The following RFX2 variants were observed in gnomAD, a reference collection of about 807,000 sequenced individuals.
RFX2 encodes the protein regulatory factor X2.
A neutral mutation model predicts 87.8 loss-of-function variants in RFX2; 20 were observed. The ratio of observed to expected loss-of-function variants is 0.23; its 90% CI spans 0.16 to 0.33. The LOEUF (loss-of-function observed/expected upper bound fraction) is 0.33. Ranked by LOEUF, RFX2 falls within the 10% of genes least tolerant of loss-of-function variation. RFX2 has a pLI of 1.00. For missense variants in RFX2, 767 were observed against 1,012.3 expected, an observed-to-expected ratio of 0.76 and a Z score of 3.29; for synonymous variants, 397 against 431.3, an observed-to-expected ratio of 0.92 and a Z score of 0.98.
Position 6,047,510 on chromosome 19 carries a change from G to A in RFX2, c.-8-6C>T, listed in dbSNP as rs770432160. On this transcript the variant is annotated splice_polypyrimidine_tract_variant and splice_region_variant and intron_variant, in intron 1 of 17. Coordinates refer to ENST00000303657, the MANE Select transcript of RFX2 (RefSeq NM_000635.4). The surrounding 1 kb of genome is among the most constrained non-coding windows in gnomAD (Gnocchi z 4.2). The stretch of plus-strand genomic sequence containing the variant: ...GGAATTCTGCATGCTCAGGTCTAAA[G>A]AAAGGCGGAGAGAGATTGGGTGGGC... The A allele has an allele frequency of 5.0e-6, 8 of 1,597,836 alleles. No homozygotes were observed. Among genetic ancestry groups the A allele is most frequent in the Non-Finnish European group, 6.8e-6 (8 of 1,171,790 alleles).
intron 12 of RFX2, among the ~76,000 whole-genome samples, chr19:6,005,935 C>T (rs2144683166): frequency 6.6e-6 from 1 of 152,318 alleles, no homozygotes; most frequent in South Asian, 2.1e-4. Flanking sequence ...GCCAAGGCCT[C>T]CCGCACAGTG....
chr19:6,066,112 G>C (rs762105654), intron 1 of RFX2, among the ~76,000 whole-genome samples: 3 of 152,278 alleles, frequency 2.0e-5, no homozygotes, highest in Non-Finnish European at 4.4e-5. Flanking sequence ...GCTTGCCAGC[G>C]GAGGAGGTGG....
chr19:6,095,061 G>A (rs913500833), intron 1 of RFX2, among the ~76,000 whole-genome samples: 2 of 152,156 alleles, frequency 1.3e-5, no homozygotes, highest in Admixed American at 6.5e-5. Context: ...GCAGTGAGCC[G>A]AGATCGCGCC....
rs1212670712 is a variant in RFX2 at position 6,007,850 on chromosome 19, C to T, written c.1135-48G>A. 1.3e-5 allele frequency: 17 copies of T among 1,284,704 alleles called. No individual in the cohort carries two copies. Among genetic ancestry groups the T allele is most frequent in the East Asian group, 2.5e-5 (1 of 39,680 alleles). 79.6% of individuals were successfully genotyped at this position (1,284,704 alleles called of 1,614,324 possible). On this transcript the variant is annotated intron_variant, in intron 10 of 17. Coordinates refer to ENST00000303657, the MANE Select transcript of RFX2 (RefSeq NM_000635.4). The surrounding 1 kb of genome is among the most constrained non-coding windows in gnomAD (Gnocchi z 8.2). ...GACAGACGGGTGCGTGCGCCCATCA[C>T]GTGCACTCAGCACACGTCAAGTGAG...
At chr19:6,019,585 G>GATATATATATATATATATATAT (rs141504032) in intron 6 of RFX2, among the ~76,000 whole-genome samples, 1 of 129,454 alleles carries the variant, frequency 7.7e-6, no homozygotes, top group African/African-American at 3.1e-5. Context: ...TAGAGACAGG[G>GATATATATATATATATATATAT]ATATATATAT....
chr19:6,085,799 A>C (rs2087848108), intron 1 of RFX2, among the ~76,000 whole-genome samples: 1 of 152,188 alleles, frequency 6.6e-6, no homozygotes, highest in Non-Finnish European at 1.5e-5. Context: ...ATGTTATAAA[A>C]TAAAAGTCCT....
rs76045003 is a variant in RFX2, at chr19:6,007,429, T to C, written c.1247+261A>G. Among the ~76,000 whole-genome samples, 3,399 of 152,210 alleles carry C rather than the reference T, an allele frequency of 0.022. 132 individuals carry two copies. The highest frequency in any genetic ancestry group is 0.078 in the African/African-American group (3,239 of 41,520). On this transcript the variant is annotated intron_variant, in intron 11 of 17. Transcript: ENST00000303657. The surrounding 1 kb of genome is among the most constrained non-coding windows in gnomAD (Gnocchi z 8.2). ...TACTGCGTCTCACTGCAGCTATGGG[T>C]TGGGGTCACTTCTACTTGGGATTGC...
At chr19:5,996,294 G>A (rs913925257) in intron 16 of RFX2, among the ~76,000 whole-genome samples, 3 of 152,396 alleles carry the variant, frequency 2.0e-5, no homozygotes, top group Non-Finnish European at 4.4e-5. Flanking sequence ...CCCCGTTCAC[G>A]ACGGCCACAG....
Position 6,004,153 on chromosome 19 carries a change from G to C in RFX2, c.1500+48C>G, listed in dbSNP as rs375021225. On this transcript the variant is annotated intron_variant, in intron 13 of 17. Coordinates refer to ENST00000303657, the MANE Select transcript of RFX2 (RefSeq NM_000635.4). This position sits in a 1 kb window ranked among gnomAD's most constrained non-coding sequence, Gnocchi z 4.8. ...GGTCCTCATGCTGTCCTGGACTGGA[G>C]CCCCTCCCAGCCATCGTTGGGGAGC... 7.2e-7 allele frequency: 1 copy of C among 1,394,720 alleles called. No individual in the cohort carries two copies. Among genetic ancestry groups the C allele is most frequent in the African/African-American group, 1.4e-5 (1 of 70,606 alleles). 86.4% of individuals were successfully genotyped at this position (1,394,720 alleles called of 1,614,324 possible).
chr19:6,022,274 C>G lies in RFX2; in HGVS notation c.597+3889G>C, dbSNP rs2086824335. On this transcript the variant is annotated intron_variant, in intron 6 of 17. Coordinates refer to ENST00000303657, the MANE Select transcript of RFX2 (RefSeq NM_000635.4). The surrounding 1 kb of genome is among the most constrained non-coding windows in gnomAD (Gnocchi z 6.2). Reference sequence around the variant, plus strand: ...TGAGGAGCTGCCGGCTCTAGCAACCCCACTGTGGCCTGCAGGACAGCACGG... The same window carrying G: ...TGAGGAGCTGCCGGCTCTAGCAACCGCACTGTGGCCTGCAGGACAGCACGG... 6.6e-6 allele frequency among the ~76,000 whole-genome samples: 1 copy of G among 152,216 alleles called. No individual in the cohort carries two copies. The highest frequency in any genetic ancestry group is 2.1e-4 in the South Asian group (1 of 4,834).
At chr19:6,092,700 A>G (rs142136370) in intron 1 of RFX2, among the ~76,000 whole-genome samples, 1 of 145,350 alleles carries the variant, frequency 6.9e-6, no homozygotes, top group Non-Finnish European at 1.5e-5. Flanking sequence ...CTAAGCTGAC[A>G]GGGAACACGT....
chr19:5,995,488 C>A, intron 17 of RFX2, 113 bp downstream of exon 17: 1 of 1,104,406 alleles, frequency 9.1e-7, no homozygotes. Flanking sequence ...CCTCACCCCC[C>A]AAGGGGCTGC....
At position 6,040,849 on chromosome 19, in the gene RFX2, G is replaced by A. The variant is rs1486378920; in HGVS notation, c.261-608C>T. On this transcript the variant is annotated intron_variant, in intron 4 of 17. Transcript: ENST00000303657. The surrounding 1 kb of genome is among the most constrained non-coding windows in gnomAD (Gnocchi z 6.1). ...TCCTGTGTGGAGATGGAGCAGTTCT[G>A]TATCTTGATGGTGGTATTGTTACAC... Among the ~76,000 whole-genome samples the A allele has an allele frequency of 6.6e-6, 1 of 152,170 alleles. No individual in the cohort carries two copies. Among genetic ancestry groups the A allele is most frequent in the Non-Finnish European group, 1.5e-5 (1 of 68,034 alleles).
chr19:6,080,757 T>C (rs1290934190), intron 1 of RFX2, among the ~76,000 whole-genome samples: 1 of 152,074 alleles, frequency 6.6e-6, no homozygotes, highest in African/African-American at 2.4e-5. Context: ...CCAATTGCTG[T>C]CGGGGCTCAG....
rs190989740 is a variant in RFX2 at position 6,026,351 on chromosome 19, G to A, written c.523-114C>T. 8 of 866,636 alleles carry A rather than the reference G, an allele frequency of 9.2e-6. No homozygotes were observed. The highest frequency in any genetic ancestry group is 5.1e-5 in the East Asian group (2 of 38,930). 53.7% of individuals were successfully genotyped at this position (866,636 alleles called of 1,614,324 possible). Reference sequence around the variant, plus strand: ...TTTATTAATATCCAAATAATGATTCGAGCTCCTACAAAATAAAAATGAGGC... The same window carrying A: ...TTTATTAATATCCAAATAATGATTCAAGCTCCTACAAAATAAAAATGAGGC... On this transcript the variant is annotated intron_variant, in intron 5 of 17. Transcript: ENST00000303657. This position sits in a 1 kb window ranked among gnomAD's most constrained non-coding sequence, Gnocchi z 4.5.
In RFX2 at chr19:6,026,924, G is replaced by A. The variant is rs1396796391; in HGVS notation, c.523-687C>T. On this transcript the variant is annotated intron_variant, in intron 5 of 17. Transcript: ENST00000303657. The surrounding 1 kb of genome is among the most constrained non-coding windows in gnomAD (Gnocchi z 4.5). ...GAACTTCCTGGAGGAAGGGGCTTTT[G>A]AGTTGGATCCTGAAGGACCTGATGG... 6.6e-6 allele frequency among the ~76,000 whole-genome samples: 1 copy of A among 152,210 alleles called. No homozygotes were observed. The highest frequency in any genetic ancestry group is 1.5e-5 in the Non-Finnish European group (1 of 68,012).
In RFX2 at chr19:6,044,485, C is replaced by T. The variant is rs1047674256; in HGVS notation, c.91-203G>A. Among the ~76,000 whole-genome samples the T allele has an allele frequency of 3.3e-5, 5 of 152,260 alleles. No individual in the cohort carries two copies. The highest frequency in any genetic ancestry group is 7.3e-5 in the Non-Finnish European group (5 of 68,044). On this transcript the variant is annotated intron_variant, in intron 2 of 17. Coordinates refer to ENST00000303657, the MANE Select transcript of RFX2 (RefSeq NM_000635.4). The surrounding 1 kb of genome is among the most constrained non-coding windows in gnomAD (Gnocchi z 5.3). ...GACACACGGCAGGTACGTGCAGGCA[C>T]ACAAACAATGCACATACATACACAA...
chr19:6,060,985 G>T (rs1049855480), intron 1 of RFX2, among the ~76,000 whole-genome samples: 2 of 152,018 alleles, frequency 1.3e-5, no homozygotes, highest in East Asian at 3.9e-4. Flanking sequence ...CAAGTCCAAG[G>T]GAAACTCTCC....
At position 6,047,790 on chromosome 19, in the gene RFX2, G is replaced by C. The variant is rs1365522943; in HGVS notation, c.-8-286C>G. ...TTCCTCAACAGAAGGCCGGGACACT[G>C]GCTCTGTGCCCAAGTCTGAGCAGGT... On this transcript the variant is annotated intron_variant, in intron 1 of 17. Coordinates refer to ENST00000303657, the MANE Select transcript of RFX2 (RefSeq NM_000635.4). This position sits in a 1 kb window ranked among gnomAD's most constrained non-coding sequence, Gnocchi z 4.2. Among the ~76,000 whole-genome samples, 2 of 152,210 alleles carry C rather than the reference G, an allele frequency of 1.3e-5. No homozygotes were observed. Among genetic ancestry groups the C allele is most frequent in the Admixed American group, 1.3e-4 (2 of 15,282 alleles).
Sources: allele counts gnomAD v4.1 joint callset (sites outside exome capture counted in the v4.1 genomes callset), GRCh38; gene constraint gnomAD v4.1.1; non-coding constraint Gnocchi (gnomAD v3.1); transcripts MANE v1.5; gene names NCBI Gene and HGNC (gene_info 2026-07-23, HGNC 2026-07-21).